The following ARFIP2 variants were observed in gnomAD, a reference collection of about 807,000 sequenced individuals.
The protein encoded by ARFIP2 is ARF interacting protein 2.
Under a neutral mutation model 39.2 loss-of-function variants are expected in ARFIP2, and 14 were observed. That is an observed-to-expected ratio of 0.36 (90% CI 0.24 to 0.56). The LOEUF (loss-of-function observed/expected upper bound fraction) is 0.56. Ranked by LOEUF, ARFIP2 falls within the 20% of genes least tolerant of loss-of-function variation. The pLI is 0.85. For synonymous variants in ARFIP2, 167 were observed against 172.4 expected (o/e 0.97, Z 0.24); for missense variants, 305 against 422.5 (o/e 0.72, Z 2.44).
rs115921783 is a variant in ARFIP2 at position 6,477,665 on chromosome 11, G to A, written c.870+53C>T. ...ATAATGGGGAGGGTCTGAGGGGAAG[G>A]TTAGTGTTACAGATGGAAAGGTGGG... On this transcript the variant is annotated intron_variant, in intron 7 of 7. Transcript: ENST00000396777. The surrounding 1 kb of genome is among the most constrained non-coding windows in gnomAD (Gnocchi z 4.8). 3,748 of 1,586,886 alleles carry A rather than the reference G, an allele frequency of 2.4e-3. 90 individuals carry two copies. The African/African-American group carries it at 0.045, about 19-fold the overall frequency.
Position 6,479,448 on chromosome 11 carries a change from T to G in ARFIP2, c.197-190A>C, listed in dbSNP as rs192100870. The stretch of plus-strand genomic sequence containing the variant: ...TGAGAACCAAATCCTGATATACATA[T>G]GGCCTCCTTGGGGGTTAGAGGAGGG... On this transcript the variant is annotated intron_variant, in intron 3 of 7. Transcript: ENST00000396777. 707 of 1,090,772 alleles carry G rather than the reference T, an allele frequency of 6.5e-4. 4 individuals carry two copies. In the African/African-American group the frequency reaches 9.7e-3, roughly 15 times the overall value. 67.6% of individuals were successfully genotyped at this position (1,090,772 alleles called of 1,614,324 possible). A position where few individuals can be genotyped will look rare whatever the true frequency, so the allele number is the denominator to read the frequency against.
chr11:6,477,200 C>T lies in ARFIP2; in HGVS notation c.939G>A (p.Gln313=). ...GCTGCAGGGTCTGCTCCAGCTGTTT[C>T]TGGTTCCCAGCAAAGTAGGCGGACA... ...NAVSAYFAGN[Q]KQLEQTLQQF... is the part of the protein sequence containing the mutation. The change falls in exon 8 of 8, where the codon CAG becomes CAA. Residue 313 remains glutamine, a synonymous_variant. Transcript: ENST00000396777. The surrounding 1 kb of genome is among the most constrained non-coding windows in gnomAD (Gnocchi z 4.8). 6.2e-7 allele frequency: 1 copy of T among 1,613,362 alleles called. No individual in the cohort carries two copies.
chr11:6,480,172 A>C, intron 2 of ARFIP2, 104 bp from the exon 3 acceptor site: 1 of 1,294,626 alleles, frequency 7.7e-7, no homozygotes, highest in East Asian at 2.3e-5. Context: ...ATAGTACACA[A>C]GGGAAGTCTG....
At chr11:6,479,471 G>A in intron 3 of ARFIP2, 1 of 834,088 alleles carries the variant, frequency 1.2e-6, no homozygotes, top group South Asian at 1.7e-5. Flanking sequence ...GGTTAGAGGA[G>A]GGGTTTGCAG....
At position 6,479,131 on chromosome 11, in the gene ARFIP2, A is replaced by T. The variant is rs746933394; in HGVS notation, c.315+9T>A. ...AGTTTTGGGGAAGGGAGAGGTGCTT[A>T]AATCCTACCTTATAGGTGTTGATGC... is the stretch of plus-strand genomic sequence containing the variant. On this transcript the variant is annotated intron_variant, in intron 4 of 7. Coordinates refer to ENST00000396777, the MANE Select transcript of ARFIP2 (RefSeq NM_001376558.2). The T allele has an allele frequency of 1.9e-6, 3 of 1,613,642 alleles. No homozygotes were observed. The South Asian group carries it at 3.3e-5, about 18-fold the overall frequency.
chr11:6,478,712 C>T lies in ARFIP2; in HGVS notation c.537+26G>A, dbSNP rs754519787. ...TGGGAGGGCCCATGCCCAGTTCCCC[C>T]ACCCTCTTTGGTCTGGGTGAGGCAC... is the stretch of plus-strand genomic sequence containing the variant. On this transcript the variant is annotated intron_variant, in intron 5 of 7. Transcript: ENST00000396777. This position sits in a 1 kb window ranked among gnomAD's most constrained non-coding sequence, Gnocchi z 4.8. 6 of 1,598,798 alleles carry T rather than the reference C, an allele frequency of 3.8e-6. No homozygotes were observed. Among genetic ancestry groups the T allele is most frequent in the Non-Finnish European group, 5.1e-6 (6 of 1,169,104 alleles).
At chr11:6,479,299 C>T (rs1394888389) in intron 3 of ARFIP2, 41 bp from the exon 4 acceptor site, 1 of 1,613,606 alleles carries the variant, frequency 6.2e-7, no homozygotes, top group Non-Finnish European at 8.5e-7. Flanking sequence ...CTCTCAGATA[C>T]ACCAGACACC....
chr11:6,479,353 C>T, intron 3 of ARFIP2, 95 bp from the exon 4 acceptor site: 2 of 1,607,046 alleles, frequency 1.2e-6, no homozygotes, highest in Non-Finnish European at 1.7e-6. Context: ...ATGAAATTGA[C>T]TTCCCTGAAG....
rs766767685 is a variant in ARFIP2 at position 6,480,065 on chromosome 11, G to T, written c.103C>A (p.Leu35Ile). The change falls in exon 3 of 8, where the codon CTC becomes ATC. Residue 35 changes from leucine to isoleucine, a missense_variant. By Grantham distance (5) the Leu-to-Ile change is conservative. Around this residue, in one of 3 missense-constraint regions of ARFIP2, gnomAD observed 151 missense variants for 203.1 expected, o/e 0.74. Transcript: ENST00000396777. ...LPEDDGLEQDLQQVMVSGPNL... is the reference protein window; with the variant it reads ...LPEDDGLEQDIQQVMVSGPNL... ...GGTCCTGACACCATCACCTGCTGGA[G>T]GTCCTATAGGCCAGAGAAGAGGGGT... The T allele has an allele frequency of 6.2e-7, 1 of 1,613,416 alleles. No individual in the cohort carries two copies. The highest frequency in any genetic ancestry group is 1.1e-5 in the South Asian group (1 of 91,000).
At position 6,478,082 on chromosome 11, in the gene ARFIP2, C is replaced by T; in HGVS notation, c.654G>A (p.Met218Ile). Reference protein sequence around the residue: ...SSINTLVTKTMEDTLMTVKQY... With the variant: ...SSINTLVTKTIEDTLMTVKQY... The stretch of plus-strand genomic sequence containing the variant: ...GTTTCACAGTCATGAGCGTGTCTTC[C>T]ATGGTCTTGGTGACCAATGTGTTGA... Residue 218 changes from methionine (M) to isoleucine (I), a missense_variant, in exon 6 of 8, where the codon ATG becomes ATA. By Grantham distance (10) the Met-to-Ile change is conservative. Around this residue, in one of 3 missense-constraint regions of ARFIP2, gnomAD observed 42 missense variants for 101.2 expected, o/e 0.42. Transcript: ENST00000396777. The surrounding 1 kb of genome is among the most constrained non-coding windows in gnomAD (Gnocchi z 4.8). The T allele has an allele frequency of 6.2e-7, 1 of 1,614,136 alleles. No individual in the cohort carries two copies. Among genetic ancestry groups the T allele is most frequent in the Non-Finnish European group, 8.5e-7 (1 of 1,180,014 alleles).
Position 6,477,357 on chromosome 11 carries a change from C to G in ARFIP2, c.871-89G>C. The G allele has an allele frequency of 6.9e-7, 1 of 1,451,982 alleles. No homozygotes were observed. Among genetic ancestry groups the G allele is most frequent in the Non-Finnish European group, 9.3e-7 (1 of 1,079,180 alleles). The allele number at this position is 1,451,982 out of a possible 1,614,324, so 89.9% of individuals were successfully genotyped here. ...TGAGCCCAGGCACAGACCAGGGGCACAAGGACTCTGCTCTGATGGTGCTTT... is the reference window on the plus strand; with the variant it reads ...TGAGCCCAGGCACAGACCAGGGGCAGAAGGACTCTGCTCTGATGGTGCTTT... On this transcript the variant is annotated intron_variant, in intron 7 of 7. Coordinates refer to ENST00000396777, the MANE Select transcript of ARFIP2 (RefSeq NM_001376558.2). This position sits in a 1 kb window ranked among gnomAD's most constrained non-coding sequence, Gnocchi z 4.8.
At position 6,477,608 on chromosome 11, in the gene ARFIP2, T is replaced by A. The variant is rs971657576; in HGVS notation, c.870+110A>T. On this transcript the variant is annotated intron_variant, in intron 7 of 7. Transcript: ENST00000396777. The surrounding 1 kb of genome is among the most constrained non-coding windows in gnomAD (Gnocchi z 4.8). ...CCAGGGGTTGAGGGGGTGAACACTC[T>A]ACTCCCCAGCTAGGCTGCATTTCCT... 2.3e-6 allele frequency: 3 copies of A among 1,278,954 alleles called. No homozygotes were observed. Among genetic ancestry groups the A allele is most frequent in the Non-Finnish European group, 3.2e-6 (3 of 926,602 alleles). 79.2% of individuals were successfully genotyped at this position (1,278,954 alleles called of 1,614,324 possible).
chr11:6,480,819 C>T (rs991778989), intron 1 of ARFIP2: 3 of 182,104 alleles, frequency 1.6e-5, no homozygotes, highest in East Asian at 3.4e-4. Flanking sequence ...TCCATGCAGG[C>T]GTGTTTATGC....
At chr11:6,480,575 G>C in intron 1 of ARFIP2, 112 bp from the exon 2 acceptor site, 1 of 597,144 alleles carries the variant, frequency 1.7e-6, no homozygotes, top group East Asian at 3.0e-5. Context: ...CCAGCGTTTG[G>C]CCATCATTCC....
In ARFIP2 at chr11:6,478,991, C is replaced by A; in HGVS notation, c.316-32G>T. 6.2e-7 allele frequency: 1 copy of A among 1,607,162 alleles called. No homozygotes were observed. The highest frequency in any genetic ancestry group is 8.5e-7 in the Non-Finnish European group (1 of 1,174,444). ...GGGAAATGGGGGAATAAATCAGAGA[C>A]CCTAACAGCCTCCCCACACAACAGG... On this transcript the variant is annotated intron_variant, in intron 4 of 7. Transcript: ENST00000396777. This position sits in a 1 kb window ranked among gnomAD's most constrained non-coding sequence, Gnocchi z 4.8.
chr11:6,480,425 T>C lies in ARFIP2; in HGVS notation c.-4A>G. ...TCCCTAGGATCCCGTCCGTCATGGC[T>C]AGGAAAGGTATTGGAGTAAAACTCT... On this transcript the variant is annotated 5_prime_UTR_variant, in exon 2 of 8. Transcript: ENST00000396777. 1 of 1,607,658 alleles carries C rather than the reference T, an allele frequency of 6.2e-7. No homozygotes were observed. Among genetic ancestry groups the C allele is most frequent in the African/African-American group, 1.3e-5 (1 of 74,650 alleles).
Position 6,478,584 on chromosome 11 carries a change from G to C in ARFIP2, c.537+154C>G. ...TTCTGGACCTCTGTACAAACCCTTA[G>C]GCTGCCTCCACAGGTGAGTGCTGCT... On this transcript the variant is annotated intron_variant, in intron 5 of 7. Coordinates refer to ENST00000396777, the MANE Select transcript of ARFIP2 (RefSeq NM_001376558.2). This position sits in a 1 kb window ranked among gnomAD's most constrained non-coding sequence, Gnocchi z 4.8. The C allele has an allele frequency of 6.9e-7, 1 of 1,453,958 alleles. No homozygotes were observed. Among genetic ancestry groups the C allele is most frequent in the South Asian group, 1.4e-5 (1 of 71,348 alleles). The allele number at this position is 1,453,958 out of a possible 1,614,324, so 90.1% of individuals were successfully genotyped here.
intron 3 of ARFIP2, 46 bp downstream of exon 3, chr11:6,479,926 C>T: frequency 1.3e-6 from 2 of 1,569,534 alleles, no homozygotes; most frequent in Non-Finnish European, 1.8e-6. Context: ...CCAAACCATT[C>T]CTGTCCCCTC....
At position 6,478,971 on chromosome 11, in the gene ARFIP2, A is replaced by T; in HGVS notation, c.316-12T>A. 1 of 1,612,976 alleles carries T rather than the reference A, an allele frequency of 6.2e-7. No homozygotes were observed. Among genetic ancestry groups the T allele is most frequent in the Non-Finnish European group, 8.5e-7 (1 of 1,179,076 alleles). On this transcript the variant is annotated splice_polypyrimidine_tract_variant and intron_variant, in intron 4 of 7. Coordinates refer to ENST00000396777, the MANE Select transcript of ARFIP2 (RefSeq NM_001376558.2). This position sits in a 1 kb window ranked among gnomAD's most constrained non-coding sequence, Gnocchi z 4.8. ...AGTTGCTTTGTGCACTGATTGGGAA[A>T]TGGGGGAATAAATCAGAGACCCTAA... is the stretch of plus-strand genomic sequence containing the variant.
Sources: gnomAD v4.1 joint callset for allele counts on GRCh38, gnomAD v4.1.1 for gene constraint, gnomAD v4.1.1 regional missense constraint, Gnocchi (gnomAD v3.1) non-coding constraint, MANE v1.5 for transcripts, NCBI Gene and HGNC (gene_info 2026-07-23, HGNC 2026-07-21) for gene names.